FEZ2: variants seen among roughly 807,000 people sequenced by gnomAD.
FEZ2 encodes fasciculation and elongation protein zeta 2.
Under a neutral mutation model 40.4 loss-of-function variants are expected in FEZ2, and 51 were observed. That is an observed-to-expected ratio of 1.26 (90% CI 1.01 to 1.59). The LOEUF (loss-of-function observed/expected upper bound fraction) is 1.59, where lower values mean the gene tolerates loss of function less well. FEZ2 is among the 40% of genes most tolerant of loss of function. The pLI is 0.00. For missense variants in FEZ2, 640 were observed against 438.3 expected (o/e 1.46, Z -4.11); for synonymous variants, 242 against 172.0 (o/e 1.41, Z -3.18).
At chr2:36,581,166 T>A (rs1170531439) in intron 4 of FEZ2, 124 bp downstream of exon 4, 2 of 967,586 alleles carry the variant, frequency 2.1e-6, no homozygotes, top group East Asian at 2.5e-5. Flanking sequence ...ACAACAAAAA[T>A]GTAAATTTGG....
chr2:36,554,775 C>T (rs549827160), intron 7 of FEZ2, among the ~76,000 whole-genome samples: 4 of 152,270 alleles, frequency 2.6e-5, no homozygotes, highest in African/African-American at 9.6e-5. Flanking sequence ...CCTTTCATGA[C>T]ACTATGGTTT....
chr2:36,572,017 GAAAAA>G (rs34787798), intron 5 of FEZ2, among the ~76,000 whole-genome samples: 122 of 110,084 alleles, frequency 1.1e-3, no homozygotes, highest in African/African-American at 3.6e-3. Context: ...TCCGTCTCAG[GAAAAA>G]AAAAAAAAAA....
At chr2:36,595,569 C>G (rs999480900) in intron 1 of FEZ2, among the ~76,000 whole-genome samples, 1 of 152,182 alleles carries the variant, frequency 6.6e-6, no homozygotes, top group Non-Finnish European at 1.5e-5. Flanking sequence ...CCACTCACCT[C>G]CTGTAGTGTG....
At chr2:36,596,088 G>C (rs1364151984) in intron 1 of FEZ2, among the ~76,000 whole-genome samples, 1 of 152,116 alleles carries the variant, frequency 6.6e-6, no homozygotes, top group African/African-American at 2.4e-5. Context: ...TTCTCTTTGG[G>C]AACAGGCTTC....
chr2:36,577,505 C>T (rs921147054), intron 5 of FEZ2, among the ~76,000 whole-genome samples: 3 of 152,268 alleles, frequency 2.0e-5, no homozygotes, highest in African/African-American at 4.8e-5. Context: ...CAGCCCACCT[C>T]GGCCTCCCAA....
At chr2:36,556,984 G>C (rs1328776268) in intron 6 of FEZ2, 1 of 152,152 alleles carries the variant, frequency 6.6e-6, no homozygotes, top group African/African-American at 2.4e-5. Context: ...CTCGATGCTG[G>C]AATTATGATG....
intron 5 of FEZ2, among the ~76,000 whole-genome samples, chr2:36,567,758 T>C (rs1021884034): frequency 5.6e-5 from 8 of 141,950 alleles, no homozygotes; most frequent in African/African-American, 2.1e-4. Flanking sequence ...CGAGACTCTG[T>C]CTCAAAAAAA....
intron 7 of FEZ2, among the ~76,000 whole-genome samples, chr2:36,553,740 C>A (rs992579933): frequency 2.2e-4 from 34 of 152,142 alleles, no homozygotes; most frequent in African/African-American, 7.5e-4. Context: ...TCACTTCTGA[C>A]ATTTGCATTA....
At position 36,565,399 on chromosome 2, in the gene FEZ2, G is replaced by A. The variant is rs140321406; in HGVS notation, c.904-6886C>T. 1.7e-3 allele frequency among the ~76,000 whole-genome samples: 261 copies of A among 152,210 alleles called. 2 individuals are homozygous for A. The highest frequency in any genetic ancestry group is 5.2e-3 in the East Asian group (27 of 5,174). ...AACCAGGTGCCTCAGAATGTCGTAC[G>A]ACGCCATCCATTTTCCAGCTTCCAC... On this transcript the variant is annotated intron_variant, in intron 5 of 7. Transcript: ENST00000405912.
chr2:36,556,456 T>A (rs17019087), intron 6 of FEZ2: 1 of 152,148 alleles, frequency 6.6e-6, no homozygotes, highest in African/African-American at 2.4e-5. Context: ...TATTATACTT[T>A]AACAGAGATT....
At chr2:36,587,165 G>A (rs1349334354) in intron 2 of FEZ2, among the ~76,000 whole-genome samples, 2 of 152,086 alleles carry the variant, frequency 1.3e-5, no homozygotes, top group African/African-American at 2.4e-5. Flanking sequence ...TAGGGTTATG[G>A]CCAAAACACA....
intron 2 of FEZ2, among the ~76,000 whole-genome samples, chr2:36,584,621 G>C (rs1668850174): frequency 6.6e-6 from 1 of 152,040 alleles, no homozygotes; most frequent in Non-Finnish European, 1.5e-5. Context: ...GAATAAATGG[G>C]CAACAAGGAT....
chr2:36,573,655 G>A (rs921438618), intron 5 of FEZ2, among the ~76,000 whole-genome samples: 1 of 152,244 alleles, frequency 6.6e-6, no homozygotes, highest in African/African-American at 2.4e-5. Flanking sequence ...TCTGTTAGAA[G>A]AGAGGTTTAA....
intron 5 of FEZ2, chr2:36,560,912 G>A: frequency 4.0e-6 from 5 of 1,239,802 alleles, no homozygotes; most frequent in Non-Finnish European, 5.8e-6. Context: ...AGAGAAAGAA[G>A]TTCAAAGTCT....
chr2:36,582,715 G>A (rs1013981168), intron 3 of FEZ2, among the ~76,000 whole-genome samples: 4 of 152,114 alleles, frequency 2.6e-5, no homozygotes, highest in Non-Finnish European at 4.4e-5. Flanking sequence ...TCTCCTTACT[G>A]ATCTCATCTT....
chr2:36,586,008 T>C (rs150657695), intron 2 of FEZ2, among the ~76,000 whole-genome samples: 2 of 152,356 alleles, frequency 1.3e-5, no homozygotes, highest in East Asian at 3.9e-4. Flanking sequence ...TGCCTTTTCA[T>C]TTAAGTCCTA....
chr2:36,582,227 TA>T (rs3836072), intron 3 of FEZ2, among the ~76,000 whole-genome samples: 10 of 148,772 alleles, frequency 6.7e-5, no homozygotes, highest in African/African-American at 9.8e-5. Context: ...GACCTAAAGT[TA>T]AAAAAAAAAA....
At chr2:36,596,329 C>A (rs1669220857) in intron 1 of FEZ2, among the ~76,000 whole-genome samples, 1 of 152,194 alleles carries the variant, frequency 6.6e-6, no homozygotes, top group African/African-American at 2.4e-5. Context: ...GTTTGTTTCA[C>A]AAAGGAAAGG....
chr2:36,583,437 A>G lies in FEZ2; in HGVS notation c.408T>C (p.Asp136=), dbSNP rs1334218474. The G allele has an allele frequency of 3.1e-6, 5 of 1,605,368 alleles. No individual in the cohort carries two copies. The Admixed American group carries it at 8.3e-5, about 27-fold the overall frequency. Residue 136 remains aspartate (D), a synonymous_variant, in exon 3 of 8, where the codon GAT becomes GAC. Coordinates refer to ENST00000405912, the MANE Select transcript of FEZ2 (RefSeq NM_005102.3). ...CCAGCTGTTCTCTCAGCTCTTCATC[A>G]TCTGATGTATCAAAGAGCAAACTGT... The part of the protein sequence containing the change: ...VSDSLLFDTS[D]DEELREQLDM...
Sources: gnomAD v4.1 joint callset for allele counts (sites outside exome capture counted in the v4.1 genomes callset) on GRCh38, gnomAD v4.1.1 for gene constraint, MANE v1.5 for transcripts, NCBI Gene and HGNC (gene_info 2026-07-23, HGNC 2026-07-21) for gene names.